DTL: variants seen among roughly 807,000 people sequenced by gnomAD.
The protein encoded by DTL is denticleless E3 ubiquitin protein ligase adapter.
Under a neutral mutation model 87.0 loss-of-function variants are expected in DTL, and 46 were observed. The observed-to-expected ratio is 0.53, with a 90% CI of 0.42 to 0.68. The LOEUF (loss-of-function observed/expected upper bound fraction) is 0.68. DTL is among the 30% of genes least tolerant of loss of function. The pLI, the probability that DTL is intolerant of heterozygous loss-of-function variation, is 0.00. For missense variants in DTL, 737 were observed against 869.4 expected, an observed-to-expected ratio of 0.85 and a Z score of 1.91; for synonymous variants, 308 against 311.2, an observed-to-expected ratio of 0.99 and a Z score of 0.11.
rs974850348 is a variant in DTL, at chr1:212,099,218, T to G, written c.1262-1034T>G. On this transcript the variant is annotated intron_variant, in intron 13 of 14. Transcript: ENST00000366991. The stretch of plus-strand genomic sequence containing the variant: ...AGTGGACTTTACCCCTCTCACACTG[T>G]TTTTTGTTTGTTTGTTTGTTTGTTT... 9.3e-5 allele frequency among the ~76,000 whole-genome samples: 14 copies of G among 150,584 alleles called. 1 individual carries two copies. Among genetic ancestry groups the G allele is most frequent in the Non-Finnish European group, 3.0e-5 (2 of 67,490 alleles).
In DTL at chr1:212,068,590, T is replaced by G; in HGVS notation, c.818-9T>G. 1 of 1,589,934 alleles carries G rather than the reference T, an allele frequency of 6.3e-7. No individual in the cohort carries two copies. The highest frequency in any genetic ancestry group is 2.2e-5 in the East Asian group (1 of 44,652). On this transcript the variant is annotated splice_polypyrimidine_tract_variant and intron_variant, in intron 9 of 14. Transcript: ENST00000366991. The stretch of plus-strand genomic sequence containing the variant: ...TCAGGACGTGCTAACTTAAGTTTCC[T>G]TTTTCCAGGATATTCAAGTCTGATT...
At chr1:212,093,403 G>C (rs971574014) in intron 13 of DTL, among the ~76,000 whole-genome samples, 1 of 152,214 alleles carries the variant, frequency 6.6e-6, no homozygotes, top group Non-Finnish European at 1.5e-5. Flanking sequence ...TCTGTATCCC[G>C]GGGTTCTTGC....
intron 7 of DTL, among the ~76,000 whole-genome samples, chr1:212,065,455 A>G (rs185341694): frequency 1.7e-4 from 26 of 152,228 alleles, no homozygotes; most frequent in African/African-American, 6.3e-4. Context: ...GGTAATTGAG[A>G]TAGCCATCAC....
In DTL at chr1:212,082,712, G is replaced by A. The variant is rs558954207; in HGVS notation, c.1261+1962G>A. Among the ~76,000 whole-genome samples, 9 of 152,278 alleles carry A rather than the reference G, an allele frequency of 5.9e-5. No individual in the cohort carries two copies. The South Asian group carries it at 1.7e-3, about 28-fold the overall frequency. ...TCCTTCTGTTCTGATGTTAAAACAT[G>A]AATCAGGGTTATTAACTGCGAATGA... On this transcript the variant is annotated intron_variant, in intron 13 of 14. Coordinates refer to ENST00000366991, the MANE Select transcript of DTL (RefSeq NM_016448.4).
rs1263350574 is a variant in DTL at position 212,035,875 on chromosome 1, T to G, written c.-16T>G. 3.1e-6 allele frequency: 5 copies of G among 1,613,658 alleles called. No homozygotes were observed. Among genetic ancestry groups the G allele is most frequent in the Non-Finnish European group, 4.2e-6 (5 of 1,179,644 alleles). On this transcript the variant is annotated 5_prime_UTR_variant, in exon 1 of 15. Coordinates refer to ENST00000366991, the MANE Select transcript of DTL (RefSeq NM_016448.4). Reference sequence around the variant, plus strand: ...CTACGACTTTTCTCTCAGCTGAGGCTTTTCCTCCGACCCTGATGCTCTTCA... The same window carrying G: ...CTACGACTTTTCTCTCAGCTGAGGCGTTTCCTCCGACCCTGATGCTCTTCA...
chr1:212,088,738 G>A (rs1161228146), intron 13 of DTL, among the ~76,000 whole-genome samples: 1 of 152,212 alleles, frequency 6.6e-6, no homozygotes, highest in African/African-American at 2.4e-5. Flanking sequence ...TCCTAGAATA[G>A]CAAAGTACAT....
chr1:212,039,002 T>G (rs1468212544), intron 1 of DTL, among the ~76,000 whole-genome samples: 3 of 152,224 alleles, frequency 2.0e-5, no homozygotes, highest in Non-Finnish European at 4.4e-5. Context: ...CTTTTTCCTC[T>G]TGAATTTATT....
intron 11 of DTL, among the ~76,000 whole-genome samples, chr1:212,072,760 C>CTTTTTT (rs368207666): frequency 2.2e-4 from 28 of 124,760 alleles, no homozygotes; most frequent in Non-Finnish European, 3.2e-4. Flanking sequence ...ATTTACTAAT[C>CTTTTTT]TTTTTTTTTT....
intron 13 of DTL, among the ~76,000 whole-genome samples, chr1:212,083,799 T>C (rs748221873): frequency 1.3e-5 from 2 of 151,932 alleles, no homozygotes; most frequent in Non-Finnish European, 2.9e-5. Context: ...TTAGATGTGC[T>C]GTATACTTGT....
chr1:212,100,779 G>A lies in DTL; in HGVS notation c.1789G>A (p.Asp597Asn), dbSNP rs778288480. Residue 597 changes from aspartate (D) to asparagine (N), a missense_variant, in exon 14 of 15, where the codon GAC (aspartate) becomes AAC (asparagine). Physicochemically the swap from Asp to Asn is conservative, Grantham distance 23. Transcript: ENST00000366991. ...GTGCTGCCTTGCTGGTAACCAGGAA[G>A]ACCTTAGTAAGGACTCTCTAGGTCC... ...DLCCLAGNQEDLSKDSLGPTK... is the reference protein window; with the variant it reads ...DLCCLAGNQENLSKDSLGPTK... 3 of 1,614,050 alleles carry A rather than the reference G, an allele frequency of 1.9e-6. No individual in the cohort carries two copies. Among genetic ancestry groups the A allele is most frequent in the Non-Finnish European group, 2.5e-6 (3 of 1,180,044 alleles).
At chr1:212,072,760 C>CTTTTTTTTTTTTTTTTTTTTTTTTTTT (rs368207666) in intron 11 of DTL, among the ~76,000 whole-genome samples, 1 of 124,770 alleles carries the variant, frequency 8.0e-6, no homozygotes, top group Non-Finnish European at 1.7e-5. Context: ...ATTTACTAAT[C>CTTTTTTTTTTTTTTTTTTTTTTTTTTT]TTTTTTTTTT....
Position 212,035,930 on chromosome 1 carries a change from G to A in DTL, c.40G>A (p.Val14Ile). 8.1e-6 allele frequency: 13 copies of A among 1,614,098 alleles called. No homozygotes were observed. Among genetic ancestry groups the A allele is most frequent in the Non-Finnish European group, 1.0e-5 (12 of 1,180,014 alleles). Residue 14 changes from valine (V) to isoleucine (I), a missense_variant, in exon 1 of 15, where the codon GTC (valine) becomes ATC (isoleucine). Coordinates refer to ENST00000366991, the MANE Select transcript of DTL (RefSeq NM_016448.4). The stretch of plus-strand genomic sequence containing the variant: ...GGTGCTCCGCCAGCCCCAGCTTGGC[G>A]TCCTGAGAAATGGTGAGTAACGGTC... ...NSVLRQPQLG[V>I]LRNGWSSQYP...
chr1:212,050,038 G>A (rs1667919552), intron 5 of DTL, among the ~76,000 whole-genome samples: 2 of 151,872 alleles, frequency 1.3e-5, no homozygotes, highest in Non-Finnish European at 2.9e-5. Context: ...TGGTACAGTG[G>A]TATGCACCTA....
intron 1 of DTL, among the ~76,000 whole-genome samples, chr1:212,040,954 G>A (rs1286465604): frequency 3.9e-5 from 6 of 152,198 alleles, no homozygotes; most frequent in East Asian, 3.8e-4. Context: ...CACAAAAAGC[G>A]AAACCACGGG....
chr1:212,101,512 A>T (rs910613141), intron 14 of DTL, among the ~76,000 whole-genome samples: 1 of 152,202 alleles, frequency 6.6e-6, no homozygotes, highest in African/African-American at 2.4e-5. Flanking sequence ...GTTCATGGGA[A>T]AGTTGCCAAC....
chr1:212,089,022 G>T (rs577509680), intron 13 of DTL, among the ~76,000 whole-genome samples: 1 of 152,282 alleles, frequency 6.6e-6, no homozygotes, highest in South Asian at 2.1e-4. Flanking sequence ...GGAGGCAAAG[G>T]TTGCAGTGAG....
At chr1:212,056,288 G>A (rs530514136) in intron 5 of DTL, among the ~76,000 whole-genome samples, 1 of 152,182 alleles carries the variant, frequency 6.6e-6, no homozygotes, top group Admixed American at 6.5e-5. Context: ...CACCACTGGG[G>A]CCTGAAGACT....
intron 13 of DTL, among the ~76,000 whole-genome samples, chr1:212,081,744 A>G (rs1483105166): frequency 6.6e-6 from 1 of 152,218 alleles, no homozygotes; most frequent in African/African-American, 2.4e-5. Flanking sequence ...GAGAGTTATC[A>G]AGGATAACTT....
intron 13 of DTL, among the ~76,000 whole-genome samples, chr1:212,096,529 A>G (rs1048732695): frequency 3.3e-5 from 5 of 152,166 alleles, no homozygotes; most frequent in Non-Finnish European, 5.9e-5. Context: ...CTTTCCTCTT[A>G]GCACTGCTTT....
Sources: gnomAD v4.1 joint callset for allele counts (sites outside exome capture counted in the v4.1 genomes callset) on GRCh38, gnomAD v4.1.1 for gene constraint, MANE v1.5 for transcripts, NCBI Gene and HGNC (gene_info 2026-07-23, HGNC 2026-07-21) for gene names.